Variants in ZNF433 observed in about 807,000 individuals in gnomAD.
ZNF433 encodes zinc finger protein 433.
A neutral mutation model predicts 10.6 loss-of-function variants in ZNF433; 12 were observed. The ratio of observed to expected loss-of-function variants is 1.13; its 90% CI spans 0.72 to 1.83. ZNF433 has a LOEUF of 1.83. Ranked by LOEUF, ZNF433 falls within the 40% of genes most tolerant of loss-of-function variation. The probability of loss-of-function intolerance (pLI) is 0.00; values close to 1 mark genes in which losing one functional copy is unlikely to be tolerated. For synonymous variants in ZNF433, 272 were observed against 271.3 expected, an observed-to-expected ratio of 1.00 and a Z score of -0.02; for missense variants, 737 against 798.0, an observed-to-expected ratio of 0.92 and a Z score of 0.92.
chr19:12,031,294 CAAA>C (rs536658747), intron 1 of ZNF433, among the ~76,000 whole-genome samples: 1 of 36,480 alleles, frequency 2.7e-5, no homozygotes, highest in Non-Finnish European at 5.5e-5. Context: ...GACTCCATCT[CAAA>C]AAAAAAAAAA....
At position 12,016,530 on chromosome 19, in the gene ZNF433, C is replaced by T. The variant is rs1374264711; in HGVS notation, c.328G>A (p.Gly110Ser). 2 of 1,614,006 alleles carry T rather than the reference C, an allele frequency of 1.2e-6. No individual in the cohort carries two copies. Among genetic ancestry groups the T allele is most frequent in the African/African-American group, 1.3e-5 (1 of 74,904 alleles). Reference sequence around the variant, plus strand: ...CTATTAAGAGATGAATGAGCACTGCCTACTTCTCCATACACACTGCTTTCG... The same window carrying T: ...CTATTAAGAGATGAATGAGCACTGCTTACTTCTCCATACACACTGCTTTCG... Reference protein sequence around the residue: ...SCESSVYGEVGSAHSSLNRHI... With the variant: ...SCESSVYGEVSSAHSSLNRHI... Residue 110 changes from glycine (G) to serine (S), a missense_variant, in exon 4 of 4, where the codon GGC becomes AGC. By Grantham distance (56) the Gly-to-Ser change is moderately conservative (BLOSUM62 0). Transcript: ENST00000550507.
chr19:12,018,198 A>G lies in ZNF433; in HGVS notation c.98T>C (p.Met33Thr), dbSNP rs1306214577. The G allele has an allele frequency of 3.1e-6, 5 of 1,608,398 alleles. No individual in the cohort carries two copies. The highest frequency in any genetic ancestry group is 4.2e-6 in the Non-Finnish European group (5 of 1,178,236). ...GGCCAGGTTCCTGAAGGTTTCTTGC[A>G]TCACATCTCTACAGAGATTTTTCTG... ...PSQKNLCRDV[M>T]QETFRNLASI... Residue 33 changes from methionine (M) to threonine (T), a missense_variant, in exon 2 of 4, where the codon ATG becomes ACG. Met to Thr is a moderately conservative substitution (Grantham distance 81). Coordinates refer to ENST00000550507, the MANE Select transcript of ZNF433 (RefSeq NM_001308348.2).
Position 12,016,219 on chromosome 19 carries a change from G to A in ZNF433, c.639C>T (p.His213=). 6.2e-7 allele frequency: 1 copy of A among 1,614,172 alleles called. No individual in the cohort carries two copies. The highest frequency in any genetic ancestry group is 8.5e-7 in the Non-Finnish European group (1 of 1,180,024). ...GTTTCTCTCCAGTGTGAGTTCGTTT[G>A]TGGATAAGATACAAACTGAGAAACA... ...ALMFLSLYLI[H]KRTHTGEKPY... is the part of the protein sequence containing the mutation. The change falls in exon 4 of 4, where the codon CAC becomes CAT. Residue 213 remains histidine (H), a synonymous_variant. Transcript: ENST00000550507.
intron 1 of ZNF433, 176 bp from the exon 2 acceptor site, chr19:12,018,468 T>C: frequency 1.5e-6 from 1 of 651,824 alleles, no homozygotes; most frequent in South Asian, 4.9e-5. Flanking sequence ...ATTCTGAGGC[T>C]ACAACTGAAC....
intron 1 of ZNF433, chr19:12,035,003 A>G: frequency 2.7e-6 from 1 of 376,952 alleles, no homozygotes; most frequent in South Asian, 2.0e-5. Flanking sequence ...TATTTTACAC[A>G]GCTTGGCATT....
intron 2 of ZNF433, 114 bp from the exon 3 acceptor site, chr19:12,018,050 C>G: frequency 7.5e-7 from 1 of 1,330,980 alleles, no homozygotes; most frequent in Non-Finnish European, 1.0e-6. Flanking sequence ...ATCAAATATT[C>G]CCTGTCCACA....
chr19:12,020,550 G>A (rs954382687), intron 1 of ZNF433, among the ~76,000 whole-genome samples: 12 of 152,136 alleles, frequency 7.9e-5, no homozygotes, highest in Admixed American at 5.9e-4. Flanking sequence ...AATTGAAGAC[G>A]TCCTTTCGAG....
At chr19:12,022,242 C>T (rs1974533378) in intron 1 of ZNF433, 1 of 321,406 alleles carries the variant, frequency 3.1e-6, no homozygotes, top group Non-Finnish European at 6.4e-6. Context: ...CGTGTTCCTG[C>T]TGCAGATAAC....
chr19:12,035,493 A>T (rs1198524325), intron 1 of ZNF433, 44 bp downstream of exon 1: 1 of 1,562,050 alleles, frequency 6.4e-7, no homozygotes, highest in Non-Finnish European at 8.7e-7. Context: ...GCCGGTTCCA[A>T]CCAGCTCCTC....
At chr19:12,017,454 C>T (rs1384607912) in intron 3 of ZNF433, among the ~76,000 whole-genome samples, 2 of 152,178 alleles carry the variant, frequency 1.3e-5, no homozygotes, top group Non-Finnish European at 2.9e-5. Flanking sequence ...CCACCCTCCT[C>T]GGCCTTCCAA....
intron 1 of ZNF433, among the ~76,000 whole-genome samples, chr19:12,020,769 T>C (rs1974448566): frequency 6.6e-6 from 1 of 151,632 alleles, no homozygotes; most frequent in African/African-American, 2.4e-5. Context: ...ACACAAAAAT[T>C]AGCTGAGTGT....
chr19:12,034,975 G>A (rs1379306880), intron 1 of ZNF433: 1 of 429,648 alleles, frequency 2.3e-6, no homozygotes, highest in Admixed American at 2.7e-5. Context: ...ATTCGGCTCT[G>A]AATAAACTTC....
chr19:12,034,177 A>G (rs961105094), intron 1 of ZNF433, among the ~76,000 whole-genome samples: 4 of 152,262 alleles, frequency 2.6e-5, no homozygotes, highest in African/African-American at 2.4e-5. Flanking sequence ...ATAACAAGTT[A>G]CTAATTTATT....
At chr19:12,018,431 T>A (rs1974324239) in intron 1 of ZNF433, 139 bp from the exon 2 acceptor site, 2 of 965,698 alleles carry the variant, frequency 2.1e-6, no homozygotes, top group Non-Finnish European at 2.8e-6. Context: ...ATACTCTCTG[T>A]CTACACTCAG....
intron 1 of ZNF433, 79 bp from the exon 2 acceptor site, chr19:12,018,371 T>A: frequency 6.7e-7 from 1 of 1,494,902 alleles, no homozygotes; most frequent in Non-Finnish European, 8.9e-7. Context: ...CCCAAGAGGT[T>A]TCCATGATGC....
At chr19:12,017,195 T>G (rs1042900319) in intron 3 of ZNF433, among the ~76,000 whole-genome samples, 5 of 151,680 alleles carry the variant, frequency 3.3e-5, no homozygotes, top group South Asian at 2.1e-4. Flanking sequence ...TGTTTTTTGG[T>G]TTTTTTTGTT....
chr19:12,031,583 G>A (rs1975031946), intron 1 of ZNF433, among the ~76,000 whole-genome samples: 1 of 152,158 alleles, frequency 6.6e-6, no homozygotes, highest in Non-Finnish European at 1.5e-5. Context: ...GGTGGAGGTT[G>A]CAGTGAGCCA....
intron 1 of ZNF433, among the ~76,000 whole-genome samples, chr19:12,032,384 G>A (rs796274544): frequency 7.2e-5 from 11 of 151,894 alleles, no homozygotes; most frequent in African/African-American, 2.4e-4. Flanking sequence ...TAACATCATT[G>A]GAAATCACCC....
Position 12,015,542 on chromosome 19 carries a change from C to T in ZNF433, c.1316G>A (p.Arg439Lys). Residue 439 changes from arginine to lysine, a missense_variant, in exon 4 of 4, where the codon AGG (arginine) becomes AAG (lysine). Arg to Lys is a conservative substitution (Grantham distance 26, BLOSUM62 2). Transcript: ENST00000550507. ...ATAGGGTTTCTCTCCCGTGTGAGTCCTACCATGTGTTTGAAGGAGTGAGGC... is the reference window on the plus strand; with the variant it reads ...ATAGGGTTTCTCTCCCGTGTGAGTCTTACCATGTGTTTGAAGGAGTGAGGC... ...RSASLLQTHG[R>K]THTGEKPYAC... The T allele has an allele frequency of 6.2e-7, 1 of 1,613,978 alleles. No individual in the cohort carries two copies.
Sources: allele counts gnomAD v4.1 joint callset (sites outside exome capture counted in the v4.1 genomes callset), GRCh38; gene constraint gnomAD v4.1.1; transcripts MANE v1.5; gene names NCBI Gene and HGNC (gene_info 2026-07-23, HGNC 2026-07-21).